KIRREL1: variants seen among roughly 807,000 people sequenced by gnomAD.
KIRREL1 encodes the protein kin of IRRE-like protein 1.
A neutral mutation model predicts 83.3 loss-of-function variants in KIRREL1; 25 were observed. That is an observed-to-expected ratio of 0.30 (90% CI 0.22 to 0.42). The LOEUF is 0.42. Ranked by LOEUF, KIRREL1 falls within the 10% of genes least tolerant of loss-of-function variation. The pLI, the probability that KIRREL1 is intolerant of heterozygous loss-of-function variation, is 1.00. For missense variants in KIRREL1, 812 were observed against 1,032.3 expected (o/e 0.79, Z 2.92); for synonymous variants, 388 against 410.4 (o/e 0.95, Z 0.66).
At chr1:158,065,791 A>AAG (rs1405182213) in intron 1 of KIRREL1, among the ~76,000 whole-genome samples, 2 of 142,302 alleles carry the variant, frequency 1.4e-5, no homozygotes, top group African/African-American at 5.3e-5. Context: ...AGAGGGTGGG[A>AAG]ATCGCAGCCC....
At chr1:158,046,111 AG>A (rs1455798498) in intron 1 of KIRREL1, among the ~76,000 whole-genome samples, 1 of 152,238 alleles carries the variant, frequency 6.6e-6, no homozygotes, top group African/African-American at 2.4e-5. Flanking sequence ...GTGTGAAGGA[AG>A]GGCAGGAGCA....
At chr1:158,042,528 T>C (rs1223111422) in intron 1 of KIRREL1, among the ~76,000 whole-genome samples, 1 of 152,104 alleles carries the variant, frequency 6.6e-6, no homozygotes, top group Non-Finnish European at 1.5e-5. Flanking sequence ...AGAGCTATTA[T>C]GAGATGAGGT....
chr1:158,038,597 A>T (rs1236989923), intron 1 of KIRREL1, among the ~76,000 whole-genome samples: 1 of 147,932 alleles, frequency 6.8e-6, no homozygotes, highest in Non-Finnish European at 1.5e-5. Context: ...AAACACTGAG[A>T]TTACAGACGT....
chr1:157,993,659 G>A lies in KIRREL1; in HGVS notation c.-18G>A, dbSNP rs1277806419. 2.7e-6 allele frequency: 4 copies of A among 1,462,726 alleles called. No homozygotes were observed. Among genetic ancestry groups the A allele is most frequent in the South Asian group, 2.8e-5 (2 of 72,564 alleles). The allele number at this position is 1,462,726 out of a possible 1,614,324, so 90.6% of individuals were successfully genotyped here. A position where few individuals can be genotyped will look rare whatever the true frequency, so the allele number is the denominator to read the frequency against. On this transcript the variant is annotated 5_prime_UTR_variant, in exon 1 of 15. Coordinates refer to ENST00000359209, the MANE Select transcript of KIRREL1 (RefSeq NM_018240.7). ...CTCCGGGCCCCAGCCGCGGGCGGGC[G>A]CACGGCGGGCGGACAGCATGCTGAG...
chr1:158,038,485 CTTTTTTTTTTT>C (rs11340189), intron 1 of KIRREL1, among the ~76,000 whole-genome samples: 3 of 68,082 alleles, frequency 4.4e-5, no homozygotes, highest in Admixed American at 1.8e-4. Context: ...GGCTCTTCCT[CTTTTTTTTTTT>C]TTTTTTTTTT....
At position 158,094,018 on chromosome 1, in the gene KIRREL1, G is replaced by C. The variant is rs1158721444; in HGVS notation, c.1719+256G>C. 6.6e-6 allele frequency among the ~76,000 whole-genome samples: 1 copy of C among 152,266 alleles called. No individual in the cohort carries two copies. The highest frequency in any genetic ancestry group is 6.5e-5 in the Admixed American group (1 of 15,292). Reference sequence around the variant, plus strand: ...AGTGTGTGAAAGTTGGAAGCCCCCAGAGGCTTTCTGGTCCATCTGCCTCAT... The same window carrying C: ...AGTGTGTGAAAGTTGGAAGCCCCCACAGGCTTTCTGGTCCATCTGCCTCAT... On this transcript the variant is annotated intron_variant, in intron 13 of 14. Transcript: ENST00000359209. The surrounding 1 kb of genome is among the most constrained non-coding windows in gnomAD (Gnocchi z 4.6).
In KIRREL1 at chr1:158,086,728, A is replaced by G. The variant is rs1662026546; in HGVS notation, c.643A>G (p.Ile215Val). The G allele has an allele frequency of 6.4e-7, 1 of 1,550,750 alleles. No homozygotes were observed. The highest frequency in any genetic ancestry group is 1.2e-5 in the South Asian group (1 of 83,990). ...EAIPSGKETS[I>V]ELDVHHPPTV... Reference sequence around the variant, plus strand: ...CATCCCTAGTGGCAAGGAGACTTCCATCGAGCTGGATGTGCACCGTGAGTG... The same window carrying G: ...CATCCCTAGTGGCAAGGAGACTTCCGTCGAGCTGGATGTGCACCGTGAGTG... The change falls in exon 5 of 15, where the codon ATC (isoleucine) becomes GTC (valine). Residue 215 changes from isoleucine (I) to valine (V), a missense_variant. Ile to Val is a conservative substitution (Grantham distance 29). Transcript: ENST00000359209.
intron 1 of KIRREL1, among the ~76,000 whole-genome samples, chr1:158,071,093 C>A (rs74120548): frequency 0.08 from 12,165 of 152,168 alleles, 543 homozygotes; most frequent in African/African-American, 0.12. Flanking sequence ...TTCCTTCCCC[C>A]CTGCTTTGCC....
chr1:158,085,896 C>T (rs538130610), intron 4 of KIRREL1, among the ~76,000 whole-genome samples: 178 of 152,300 alleles, frequency 1.2e-3, no homozygotes, highest in South Asian at 6.4e-3. Context: ...CCCTGAAACA[C>T]GCACACATGG....
At chr1:158,091,827 T>C (rs1459762197) in intron 11 of KIRREL1, among the ~76,000 whole-genome samples, 1 of 152,212 alleles carries the variant, frequency 6.6e-6, no homozygotes, top group East Asian at 1.9e-4. Context: ...CATGCTCAAC[T>C]GGGGAAATGC....
In KIRREL1 at chr1:158,086,721, G is replaced by A; in HGVS notation, c.636G>A (p.Glu212=). 6.4e-7 allele frequency: 1 copy of A among 1,551,550 alleles called. No individual in the cohort carries two copies. Among genetic ancestry groups the A allele is most frequent in the Non-Finnish European group, 8.7e-7 (1 of 1,146,948 alleles). ...ACGAAGCCATCCCTAGTGGCAAGGA[G>A]ACTTCCATCGAGCTGGATGTGCACC... ...SMNEAIPSGK[E]TSIELDVHHP... Residue 212 remains glutamate, a synonymous_variant, in exon 5 of 15, where the codon GAG becomes GAA. Coordinates refer to ENST00000359209, the MANE Select transcript of KIRREL1 (RefSeq NM_018240.7).
chr1:158,048,988 A>G lies in KIRREL1; in HGVS notation c.53-27125A>G, dbSNP rs1056613467. 3.9e-5 allele frequency among the ~76,000 whole-genome samples: 6 copies of G among 152,196 alleles called. No homozygotes were observed. The East Asian group carries it at 1.2e-3, about 29-fold the overall frequency. On this transcript the variant is annotated intron_variant, in intron 1 of 14. Coordinates refer to ENST00000359209, the MANE Select transcript of KIRREL1 (RefSeq NM_018240.7). Reference sequence around the variant, plus strand: ...CTGAGCTCAGAGAGTCCAGAGAAGCAGTCAGGTGGGGCTTATCGGGAAAGG... The same window carrying G: ...CTGAGCTCAGAGAGTCCAGAGAAGCGGTCAGGTGGGGCTTATCGGGAAAGG...
chr1:158,058,758 A>G (rs1185702237), intron 1 of KIRREL1, among the ~76,000 whole-genome samples: 1 of 151,948 alleles, frequency 6.6e-6, no homozygotes, highest in Non-Finnish European at 1.5e-5. Flanking sequence ...GACATCTGGG[A>G]CCCGATGCTT....
At chr1:158,091,240 G>C in intron 10 of KIRREL1, 118 bp from the exon 11 acceptor site, 1 of 885,766 alleles carries the variant, frequency 1.1e-6, no homozygotes, top group South Asian at 1.7e-5. Context: ...GGCTGGGCTT[G>C]TGGGGCACAC....
Position 158,094,921 on chromosome 1 carries a change from C to A in KIRREL1, c.2075C>A (p.Ser692Tyr). The change falls in exon 15 of 15, where the codon TCC becomes TAC. Residue 692 changes from serine to tyrosine, a missense_variant. Transcript: ENST00000359209. The surrounding 1 kb of genome is among the most constrained non-coding windows in gnomAD (Gnocchi z 4.6). ...LSYENYEKFN[S>Y]HPFPGAAGYP... ...TACGAGAACTATGAGAAGTTCAACT[C>A]CCATCCCTTCCCTGGGGCAGCTGGG... The A allele has an allele frequency of 6.2e-7, 1 of 1,614,038 alleles. No individual in the cohort carries two copies. The highest frequency in any genetic ancestry group is 8.5e-7 in the Non-Finnish European group (1 of 1,179,972).
At chr1:158,081,840 G>A (rs1661868623) in intron 3 of KIRREL1, among the ~76,000 whole-genome samples, 1 of 152,194 alleles carries the variant, frequency 6.6e-6, no homozygotes, top group South Asian at 2.1e-4. Context: ...AAAGGGGCAG[G>A]AGGCATTCCC....
At chr1:158,003,069 C>T (rs1659412026) in intron 1 of KIRREL1, among the ~76,000 whole-genome samples, 1 of 152,164 alleles carries the variant, frequency 6.6e-6, no homozygotes, top group South Asian at 2.1e-4. Flanking sequence ...ATCAGCTTAG[C>T]TGAGTTTTTT....
At chr1:158,088,735 C>G (rs182434526) in intron 8 of KIRREL1, among the ~76,000 whole-genome samples, 1 of 151,952 alleles carries the variant, frequency 6.6e-6, no homozygotes, top group Non-Finnish European at 1.5e-5. Context: ...CCGCCCGCCT[C>G]GGCCTCCCAA....
chr1:158,045,016 A>G (rs1177800827), intron 1 of KIRREL1, among the ~76,000 whole-genome samples: 1 of 152,196 alleles, frequency 6.6e-6, no homozygotes, highest in Non-Finnish European at 1.5e-5. Flanking sequence ...GATAACAAGA[A>G]AAGATGTGAA....
Sources: allele counts gnomAD v4.1 joint callset (sites outside exome capture counted in the v4.1 genomes callset), GRCh38; gene constraint gnomAD v4.1.1; non-coding constraint Gnocchi (gnomAD v3.1); transcripts MANE v1.5; gene names NCBI Gene and HGNC (gene_info 2026-07-23, HGNC 2026-07-21).